Variants in MAPKAPK2 observed in about 807,000 individuals in gnomAD.
MAPKAPK2 encodes MAPK activated protein kinase 2.
Under a neutral mutation model 48.8 loss-of-function variants are expected in MAPKAPK2, and 9 were observed. The observed-to-expected ratio is 0.18, with a 90% confidence interval of 0.11 to 0.32. The LOEUF is 0.32. MAPKAPK2 is among the 10% of genes least tolerant of loss of function. The probability of loss-of-function intolerance (pLI) is 1.00; values close to 1 mark genes in which losing one functional copy is unlikely to be tolerated. For missense variants in MAPKAPK2, 331 were observed against 498.3 expected (o/e 0.66, Z 3.20); for synonymous variants, 202 against 190.6 (o/e 1.06, Z -0.49).
chr1:206,719,532 C>T (rs964309899), intron 1 of MAPKAPK2, among the ~76,000 whole-genome samples: 1 of 152,214 alleles, frequency 6.6e-6, no homozygotes, highest in Non-Finnish European at 1.5e-5. Context: ...ATATCTTTAT[C>T]TCATCAACCT....
At chr1:206,722,453 C>T (rs115424752) in intron 1 of MAPKAPK2, among the ~76,000 whole-genome samples, 2,253 of 152,242 alleles carry the variant, frequency 0.015, 30 homozygotes, top group Non-Finnish European at 0.023. Context: ...ACTGTTGACC[C>T]GAAGCCTTAC....
At chr1:206,692,687 G>A (rs1672496874) in intron 1 of MAPKAPK2, among the ~76,000 whole-genome samples, 1 of 152,222 alleles carries the variant, frequency 6.6e-6, no homozygotes, top group Admixed American at 6.5e-5. Flanking sequence ...ATTTGTATCT[G>A]GTGTTCTCCT....
intron 1 of MAPKAPK2, among the ~76,000 whole-genome samples, chr1:206,689,339 G>C (rs1376665006): frequency 6.6e-6 from 1 of 152,152 alleles, no homozygotes; most frequent in African/African-American, 2.4e-5. Flanking sequence ...TCTGGATGCT[G>C]TTGGAGGGAA....
At chr1:206,703,039 T>C (rs1000628383) in intron 1 of MAPKAPK2, among the ~76,000 whole-genome samples, 1 of 152,216 alleles carries the variant, frequency 6.6e-6, no homozygotes, top group African/African-American at 2.4e-5. Context: ...ACCAAGCTCC[T>C]TGCGGACAAG....
At position 206,706,523 on chromosome 1, in the gene MAPKAPK2, G is replaced by A. The variant is rs868913796; in HGVS notation, c.279+21015G>A. Among the ~76,000 whole-genome samples, 3 of 152,178 alleles carry A rather than the reference G, an allele frequency of 2.0e-5. No individual in the cohort carries two copies. In the South Asian group the frequency reaches 6.2e-4, roughly 32 times the overall value. The stretch of plus-strand genomic sequence containing the variant: ...TCCCAGGCTCCAGGCTCTCTGGAGG[G>A]GACCAGCAGCTCTGACCCCCGTGGG... On this transcript the variant is annotated intron_variant, in intron 1 of 9. Transcript: ENST00000367103.
At chr1:206,711,138 C>T (rs536840398) in intron 1 of MAPKAPK2, among the ~76,000 whole-genome samples, 1 of 152,352 alleles carries the variant, frequency 6.6e-6, no homozygotes, top group East Asian at 1.9e-4. Flanking sequence ...GGTGAATACA[C>T]ATGCACACAT....
intron 1 of MAPKAPK2, among the ~76,000 whole-genome samples, chr1:206,699,924 C>G (rs1572486006): frequency 6.6e-6 from 1 of 151,872 alleles, no homozygotes; most frequent in African/African-American, 2.4e-5. Flanking sequence ...CTGTCTTTCT[C>G]TCTCTTTTTC....
chr1:206,688,651 T>A (rs560507148), intron 1 of MAPKAPK2, among the ~76,000 whole-genome samples: 1 of 152,200 alleles, frequency 6.6e-6, no homozygotes, highest in East Asian at 1.9e-4. Flanking sequence ...ATTTTTATTT[T>A]TTTTGAGACA....
intron 1 of MAPKAPK2, among the ~76,000 whole-genome samples, chr1:206,705,473 G>A (rs1672926079): frequency 6.6e-6 from 1 of 152,238 alleles, no homozygotes; most frequent in South Asian, 2.1e-4. Flanking sequence ...GGACAAGGGA[G>A]AGGCTGGTGA....
At chr1:206,701,528 T>A (rs1405886080) in intron 1 of MAPKAPK2, among the ~76,000 whole-genome samples, 1 of 151,894 alleles carries the variant, frequency 6.6e-6, no homozygotes, top group Non-Finnish European at 1.5e-5. Flanking sequence ...TAGAAAAGGA[T>A]CTTAAAAAGT....
chr1:206,716,802 AC>A, intron 1 of MAPKAPK2, among the ~76,000 whole-genome samples: 1 of 152,072 alleles, frequency 6.6e-6, no homozygotes, highest in African/African-American at 2.4e-5. Context: ...TAAAGTAGAT[AC>A]TAGATACCTA....
In MAPKAPK2 at chr1:206,731,085, G is replaced by A. The variant is rs1249140784; in HGVS notation, c.768-53G>A. ...TTTCTCATCCTGTTCCTGGTACAGGGCCACTAAGTGACAGCTGTTCTGTCT... is the reference window on the plus strand; with the variant it reads ...TTTCTCATCCTGTTCCTGGTACAGGACCACTAAGTGACAGCTGTTCTGTCT... On this transcript the variant is annotated intron_variant, in intron 6 of 9. Coordinates refer to ENST00000367103, the MANE Select transcript of MAPKAPK2 (RefSeq NM_032960.4). The surrounding 1 kb of genome is among the most constrained non-coding windows in gnomAD (Gnocchi z 5.9). The A allele has an allele frequency of 9.9e-6, 16 of 1,611,410 alleles. No homozygotes were observed. Among genetic ancestry groups the A allele is most frequent in the African/African-American group, 6.7e-5 (5 of 74,852 alleles).
intron 1 of MAPKAPK2, among the ~76,000 whole-genome samples, chr1:206,725,927 G>A (rs1673688857): frequency 6.6e-6 from 1 of 152,180 alleles, no homozygotes; most frequent in Non-Finnish European, 1.5e-5. Context: ...TTCCAGATCA[G>A]GACTGCTCTA....
chr1:206,689,484 G>C (rs956688099), intron 1 of MAPKAPK2, among the ~76,000 whole-genome samples: 5 of 152,222 alleles, frequency 3.3e-5, no homozygotes, highest in African/African-American at 9.6e-5. Flanking sequence ...GTTTGCTGGA[G>C]TTGTCACAAG....
rs1244768330 is a variant in MAPKAPK2, at chr1:206,729,454, C to T, written c.543C>T (p.Asn181=). The T allele has an allele frequency of 3.1e-6, 5 of 1,614,014 alleles. No homozygotes were observed. Among genetic ancestry groups the T allele is most frequent in the African/African-American group, 2.7e-5 (2 of 74,926 alleles). Residue 181 remains asparagine (N), a synonymous_variant, in exon 4 of 10, where the codon AAC becomes AAT. Coordinates refer to ENST00000367103, the MANE Select transcript of MAPKAPK2 (RefSeq NM_032960.4). ...CCATCCAGTATCTGCATTCAATCAA[C>T]ATTGCCCATCGGGATGTCAAGGTGC... ...GEAIQYLHSI[N]IAHRDVKPEN...
intron 5 of MAPKAPK2, 95 bp downstream of exon 5, chr1:206,730,193 G>C (rs553857013): frequency 6.7e-7 from 1 of 1,489,884 alleles, no homozygotes; most frequent in African/African-American, 1.4e-5. Flanking sequence ...TCCTAGGAGA[G>C]TTGTGTCTGT....
chr1:206,729,221 G>C, intron 3 of MAPKAPK2, 122 bp downstream of exon 3: 1 of 1,199,324 alleles, frequency 8.3e-7, no homozygotes, highest in Non-Finnish European at 1.2e-6. Context: ...CCAGCATGCT[G>C]CAAGGGGTGC....
intron 1 of MAPKAPK2, among the ~76,000 whole-genome samples, chr1:206,723,034 A>G (rs946190797): frequency 6.6e-6 from 1 of 152,176 alleles, no homozygotes; most frequent in Non-Finnish European, 1.5e-5. Context: ...CCCACAACAC[A>G]CTTGGTGCCA....
intron 1 of MAPKAPK2, among the ~76,000 whole-genome samples, chr1:206,718,389 A>G (rs1305108863): frequency 6.6e-6 from 1 of 152,040 alleles, no homozygotes; most frequent in Non-Finnish European, 1.5e-5. Flanking sequence ...AAAATTAGCC[A>G]GGCATGGTGG....
Sources: allele counts gnomAD v4.1 joint callset (sites outside exome capture counted in the v4.1 genomes callset), GRCh38; gene constraint gnomAD v4.1.1; non-coding constraint Gnocchi (gnomAD v3.1); transcripts MANE v1.5; gene names NCBI Gene and HGNC (gene_info 2026-07-23, HGNC 2026-07-21).